The following ABR variants were observed in gnomAD, a reference collection of about 807,000 sequenced individuals.
ABR encodes ABR activator of RhoGEF and GTPase.
ABR carries 35 observed loss-of-function variants against 107.2 expected under a neutral mutation model. That is an observed-to-expected ratio of 0.33 (90% CI 0.25 to 0.43). The LOEUF (loss-of-function observed/expected upper bound fraction) is 0.43, where lower values mean the gene tolerates loss of function less well. Ranked by LOEUF, ABR falls within the 20% of genes least tolerant of loss-of-function variation. ABR has a pLI of 1.00. For synonymous variants in ABR, 498 were observed against 462.0 expected (o/e 1.08, Z -1.00); for missense variants, 815 against 1,115.2 (o/e 0.73, Z 3.83).
intron 1 of ABR, chr17:1,177,798 G>A (rs1382258355): frequency 6.6e-6 from 1 of 152,262 alleles, no homozygotes; most frequent in Non-Finnish European, 1.5e-5. Flanking sequence ...AGCTAAGAGA[G>A]GGCCACTAAT....
intron 16 of ABR, among the ~76,000 whole-genome samples, chr17:1,033,173 G>A (rs1448319526): frequency 6.6e-6 from 1 of 152,210 alleles, no homozygotes; most frequent in Non-Finnish European, 1.5e-5. Flanking sequence ...AAGGCAGGTG[G>A]GTCGGGGCCC....
At chr17:1,181,503 G>A (rs1392850574), upstream of ABR, among the ~76,000 whole-genome samples, 1 of 152,116 alleles carries the variant, frequency 6.6e-6, no homozygotes, top group Non-Finnish European at 1.5e-5. Context: ...GTCTCTTGCC[G>A]CCCCTCCCTG....
At chr17:1,117,161 C>T (rs1376858509) in intron 2 of ABR, among the ~76,000 whole-genome samples, 19 of 75,124 alleles carry the variant, frequency 2.5e-4, no homozygotes, top group Admixed American at 5.9e-4. Context: ...AGCGTTATCC[C>T]TGAGCCTGAG....
At chr17:1,124,942 G>C (rs1357954771) in intron 2 of ABR, among the ~76,000 whole-genome samples, 1 of 152,160 alleles carries the variant, frequency 6.6e-6, no homozygotes, top group Non-Finnish European at 1.5e-5. Flanking sequence ...GGCCTGGGGA[G>C]CAGACGGCTA....
intron 1 of ABR, among the ~76,000 whole-genome samples, chr17:1,206,452 A>C (rs2042789752): frequency 6.6e-6 from 1 of 152,178 alleles, no homozygotes; most frequent in African/African-American, 2.4e-5. Context: ...GTGCAGTGGC[A>C]CTATGACAGC....
chr17:1,049,964 G>C (rs2032269086), intron 16 of ABR, 86 bp downstream of exon 16: 1 of 1,513,330 alleles, frequency 6.6e-7, no homozygotes, highest in Non-Finnish European at 8.8e-7. Flanking sequence ...AATCACGAAA[G>C]AGCAGGCTCC....
At chr17:1,014,415 T>C (rs1238163552) in intron 16 of ABR, among the ~76,000 whole-genome samples, 1 of 149,270 alleles carries the variant, frequency 6.7e-6, no homozygotes, top group Non-Finnish European at 1.5e-5. Flanking sequence ...CACTCCAGCC[T>C]GGGCGACAGA....
rs191143404 is a variant in ABR at position 1,151,205 on chromosome 17, G to A, written c.62-25838C>T. ...AACATCTAAAGCACACCGAAGAGAG[G>A]ATTAGTTCCTATTACCACACCTCAG... On this transcript the variant is annotated intron_variant, in intron 1 of 22. Coordinates refer to ENST00000302538, the MANE Select transcript of ABR (RefSeq NM_021962.5). Among the ~76,000 whole-genome samples the A allele has an allele frequency of 7.6e-4, 115 of 152,208 alleles. 1 individual carries two copies. In the East Asian group the frequency reaches 8.1e-3, roughly 11 times the overall value.
At chr17:1,080,031 C>T (rs1363747745) in intron 5 of ABR, among the ~76,000 whole-genome samples, 1 of 151,996 alleles carries the variant, frequency 6.6e-6, no homozygotes, top group Non-Finnish European at 1.5e-5. Context: ...ACACGTCGGC[C>T]AAGGGCAGAC....
chr17:1,166,033 A>G (rs2041492912), intron 1 of ABR, among the ~76,000 whole-genome samples: 1 of 66,822 alleles, frequency 1.5e-5, no homozygotes, highest in Non-Finnish European at 3.0e-5. Context: ...CCGCTCTCCC[A>G]GAGCCCACGC....
In ABR at chr17:1,084,498, C is replaced by A. The variant is rs1281016757; in HGVS notation, c.532-871G>T. Among the ~76,000 whole-genome samples the A allele has an allele frequency of 6.6e-6, 1 of 152,234 alleles. No individual in the cohort carries two copies. The highest frequency in any genetic ancestry group is 2.4e-5 in the African/African-American group (1 of 41,452). ...GAGCCAAAGCCCCAGCCTCACTACACGTTTGCCTGTCACTCACACAGTCAC... is the reference window on the plus strand; with the variant it reads ...GAGCCAAAGCCCCAGCCTCACTACAAGTTTGCCTGTCACTCACACAGTCAC... On this transcript the variant is annotated intron_variant, in intron 4 of 22. Coordinates refer to ENST00000302538, the MANE Select transcript of ABR (RefSeq NM_021962.5). This position sits in a 1 kb window ranked among gnomAD's most constrained non-coding sequence, Gnocchi z 4.2.
chr17:1,042,393 T>C (rs1223496367), intron 16 of ABR, among the ~76,000 whole-genome samples: 2 of 152,002 alleles, frequency 1.3e-5, no homozygotes, highest in East Asian at 1.9e-4. Context: ...GGCACCTACA[T>C]CCACGGACGG....
chr17:1,091,872 A>C, intron 3 of ABR, 22 bp from the exon 4 acceptor site: 1 of 1,606,906 alleles, frequency 6.2e-7, no homozygotes. Flanking sequence ...AGAGGAAGAA[A>C]GAGCAGAGGT....
chr17:1,186,231 T>C (rs1436561455), intron 1 of ABR, among the ~76,000 whole-genome samples: 1 of 152,228 alleles, frequency 6.6e-6, no homozygotes, highest in Non-Finnish European at 1.5e-5. Flanking sequence ...AAGGGTGAAG[T>C]CTCAGCCTAT....
At chr17:1,176,855 CA>C (rs1366333928) in intron 1 of ABR, among the ~76,000 whole-genome samples, 3 of 131,366 alleles carry the variant, frequency 2.3e-5, no homozygotes, top group South Asian at 2.5e-4. Flanking sequence ...CAAAACAAAA[CA>C]AAAAACAAAA....
Position 1,078,130 on chromosome 17 carries a change from T to TGA in ABR, c.700+1198_700+1199dup, listed in dbSNP as rs1163362607. ...GTGTGTGTGTGTGTGTGTGTGTGTG[T>TGA]GACCTTCACAGAGTAGCTTGCCACA... On this transcript the variant is annotated intron_variant, in intron 6 of 22. Coordinates refer to ENST00000302538, the MANE Select transcript of ABR (RefSeq NM_021962.5). This position sits in a 1 kb window ranked among gnomAD's most constrained non-coding sequence, Gnocchi z 7.5. 4.0e-5 allele frequency among the ~76,000 whole-genome samples: 6 copies of TGA among 151,880 alleles called. No individual in the cohort carries two copies. Among genetic ancestry groups the TGA allele is most frequent in the Admixed American group, 6.6e-5 (1 of 15,258 alleles).
intron 1 of ABR, among the ~76,000 whole-genome samples, chr17:1,142,743 G>T (rs1391223534): frequency 2.0e-5 from 3 of 152,166 alleles, no homozygotes; most frequent in Non-Finnish European, 4.4e-5. Flanking sequence ...CAAGACGGAC[G>T]GAAAGGGCTT....
At position 1,050,566 on chromosome 17, in the gene ABR, G is replaced by A; in HGVS notation, c.1630C>T (p.Arg544Trp). The A allele has an allele frequency of 6.2e-7, 1 of 1,613,986 alleles. No homozygotes were observed. The highest frequency in any genetic ancestry group is 8.5e-7 in the Non-Finnish European group (1 of 1,179,976). ...FVSKAKTRVFRDTAEPKWDEE... is the reference protein window; with the variant it reads ...FVSKAKTRVFWDTAEPKWDEE... The stretch of plus-strand genomic sequence containing the variant: ...TCCCACTTGGGCTCCGCTGTGTCCC[G>A]GAACACCCTGGTTTTGGCTTTGCTG... The change falls in exon 15 of 23, where the codon CGG becomes TGG. Residue 544 changes from arginine (R) to tryptophan (W), a missense_variant. By Grantham distance (101) the Arg-to-Trp change is moderately radical. Transcript: ENST00000302538. The surrounding 1 kb of genome is among the most constrained non-coding windows in gnomAD (Gnocchi z 4.6).
rs1162385270 is a variant in ABR at position 1,210,380 on chromosome 17, TC to T, written c.838+18412del. On this transcript the variant is annotated intron_variant, in intron 1 of 22. Transcript: ENST00000574139. This position sits in a 1 kb window ranked among gnomAD's most constrained non-coding sequence, Gnocchi z 5.6. The stretch of plus-strand genomic sequence containing the variant: ...CTTCTCCGCACTATCGTCCACGTTA[TC>T]ACTCAGCTTCTCTGCACTATCGTCC... Among the ~76,000 whole-genome samples, 1 of 150,560 alleles carries T rather than the reference TC, an allele frequency of 6.6e-6. No individual in the cohort carries two copies. Among genetic ancestry groups the T allele is most frequent in the Non-Finnish European group, 1.5e-5 (1 of 67,308 alleles).
Sources: gnomAD v4.1 joint callset for allele counts (sites outside exome capture counted in the v4.1 genomes callset) on GRCh38, gnomAD v4.1.1 for gene constraint, Gnocchi (gnomAD v3.1) non-coding constraint, MANE v1.5 for transcripts, NCBI Gene and HGNC (gene_info 2026-07-23, HGNC 2026-07-21) for gene names.